Variants in LRIF1 observed in about 807,000 individuals in gnomAD.
LRIF1 encodes the protein ligand-dependent nuclear receptor-interacting factor 1.
A neutral mutation model predicts 52.7 loss-of-function variants in LRIF1; 32 were observed. The observed-to-expected ratio is 0.61, with a 90% CI of 0.46 to 0.82. The LOEUF is 0.82. LRIF1 is among the 40% of genes least tolerant of loss of function. The pLI, the probability that LRIF1 is intolerant of heterozygous loss-of-function variation, is 0.00. For missense variants in LRIF1, 887 were observed against 892.0 expected (o/e 0.99, Z 0.07); for synonymous variants, 323 against 317.4 (o/e 1.02, Z -0.19).
chr1:110,946,995 T>C (rs1658226786), downstream of LRIF1, among the ~76,000 whole-genome samples: 1 of 150,046 alleles, frequency 6.7e-6, no homozygotes, highest in Non-Finnish European at 1.5e-5. Flanking sequence ...TCCTCCTCCT[T>C]TAAGAGACAG....
chr1:110,917,357 A>G, the LRIF1 span, among the ~76,000 whole-genome samples: 1 of 152,198 alleles, frequency 6.6e-6, no homozygotes, highest in East Asian at 1.9e-4. Context: ...ACAGGAAGAC[A>G]ATGTCTTTTC....
downstream of LRIF1, among the ~76,000 whole-genome samples, chr1:110,942,864 G>GAT (rs1658123240): frequency 6.6e-6 from 1 of 152,030 alleles, no homozygotes; most frequent in African/African-American, 2.4e-5. Flanking sequence ...AAGGCAATTG[G>GAT]ATATACAATT....
chr1:110,914,177 G>T, the LRIF1 span, among the ~76,000 whole-genome samples: 2 of 152,072 alleles, frequency 1.3e-5, no homozygotes, highest in Non-Finnish European at 2.9e-5. Context: ...GAAGGAAGGT[G>T]AGGATCAAAA....
At chr1:110,912,497 C>T in the LRIF1 span, among the ~76,000 whole-genome samples, 2 of 152,186 alleles carry the variant, frequency 1.3e-5, no homozygotes, top group African/African-American at 4.8e-5. Flanking sequence ...CAGGTGTGAG[C>T]CACTGCACCC....
the LRIF1 span, among the ~76,000 whole-genome samples, chr1:110,929,728 G>GA: frequency 7.9e-5 from 12 of 152,242 alleles, no homozygotes; most frequent in Admixed American, 6.5e-4. Context: ...GATGGAGCTA[G>GA]AGGCCATTAT....
At chr1:110,956,731 T>TA (rs1239232728) in intron 1 of LRIF1, among the ~76,000 whole-genome samples, 1 of 152,174 alleles carries the variant, frequency 6.6e-6, no homozygotes, top group East Asian at 1.9e-4. Flanking sequence ...TCCATACGGA[T>TA]ATTGAAATCA....
the LRIF1 span, chr1:110,937,740 A>G: frequency 6.6e-6 from 1 of 152,114 alleles, no homozygotes; most frequent in African/African-American, 2.4e-5. Flanking sequence ...GAAATAAATG[A>G]AATTGAAATA....
intron 1 of LRIF1, 152 bp downstream of exon 1, chr1:110,963,469 G>C: frequency 1.8e-6 from 1 of 564,828 alleles, no homozygotes; most frequent in Non-Finnish European, 3.1e-6. Flanking sequence ...TGGGCTTTAA[G>C]CGCCGCGGAG....
chr1:110,875,006 A>C, the LRIF1 span, among the ~76,000 whole-genome samples: 1 of 152,244 alleles, frequency 6.6e-6, no homozygotes, highest in African/African-American at 2.4e-5. Context: ...GCAATATACA[A>C]ATACAGTGCA....
the LRIF1 span, chr1:110,894,414 G>T: frequency 6.2e-7 from 1 of 1,602,064 alleles, no homozygotes; most frequent in South Asian, 1.1e-5. Flanking sequence ...AAGTTATAAA[G>T]ACAACAACTT....
the LRIF1 span, among the ~76,000 whole-genome samples, chr1:110,884,994 C>A: frequency 6.6e-6 from 1 of 152,124 alleles, no homozygotes; most frequent in African/African-American, 2.4e-5. Flanking sequence ...TTATTTGTCT[C>A]ATTTTTCTAC....
chr1:110,951,029 A>C (rs1248935916), intron 2 of LRIF1, among the ~76,000 whole-genome samples: 1 of 152,052 alleles, frequency 6.6e-6, no homozygotes, highest in Non-Finnish European at 1.5e-5. Flanking sequence ...TTGCTCTGTG[A>C]ATTTTTTGTT....
chr1:110,949,687 T>C (rs2101105816), intron 3 of LRIF1, among the ~76,000 whole-genome samples, 164 bp downstream of exon 3: 1 of 152,334 alleles, frequency 6.6e-6, no homozygotes, highest in South Asian at 2.1e-4. Context: ...TCCAAAGTGC[T>C]GGGGCCTGGT....
chr1:110,885,547 AAAAC>A, the LRIF1 span, among the ~76,000 whole-genome samples: 1 of 150,000 alleles, frequency 6.7e-6, no homozygotes, highest in African/African-American at 2.5e-5. Flanking sequence ...CAAAAAACAA[AAAAC>A]AAACAACAAC....
At chr1:110,912,340 T>C in the LRIF1 span, among the ~76,000 whole-genome samples, 13 of 152,104 alleles carry the variant, frequency 8.5e-5, no homozygotes, top group Non-Finnish European at 1.8e-4. Flanking sequence ...GCCTCCCAAG[T>C]AGTTGGGATT....
At chr1:110,899,432 T>C in the LRIF1 span, 1 of 424,598 alleles carries the variant, frequency 2.4e-6, no homozygotes, top group East Asian at 4.3e-5. Flanking sequence ...GTGGTGAAAC[T>C]AATATCTGAG....
the LRIF1 span, among the ~76,000 whole-genome samples, chr1:110,888,482 T>C: frequency 3.9e-5 from 6 of 152,222 alleles, no homozygotes; most frequent in African/African-American, 1.4e-4. Flanking sequence ...CATGGGTCCG[T>C]GCCCTTCATT....
chr1:110,945,457 A>G (rs1043507343), downstream of LRIF1, among the ~76,000 whole-genome samples: 2 of 127,520 alleles, frequency 1.6e-5, no homozygotes, highest in African/African-American at 6.2e-5. Flanking sequence ...ACGGAGTCTC[A>G]TTCTGTTGCC....
At chr1:110,886,508 C>A in the LRIF1 span, among the ~76,000 whole-genome samples, 2 of 152,098 alleles carry the variant, frequency 1.3e-5, no homozygotes, top group East Asian at 3.8e-4. Context: ...GTATATTAAG[C>A]CACCTGAAAT....
Sources: allele counts gnomAD v4.1 joint callset (sites outside exome capture counted in the v4.1 genomes callset), GRCh38; gene constraint gnomAD v4.1.1; transcripts MANE v1.5; gene names NCBI Gene and HGNC (gene_info 2026-07-23, HGNC 2026-07-21).